The following MAPKBP1 variants were observed in gnomAD, a reference collection of about 807,000 sequenced individuals.
The protein encoded by MAPKBP1 is mitogen-activated protein kinase-binding protein 1.
In MAPKBP1, 71 loss-of-function variants were observed where a neutral mutation model predicts 170.5. The ratio of observed to expected loss-of-function variants is 0.42; its 90% CI spans 0.34 to 0.51. The LOEUF is 0.51. MAPKBP1 is among the 20% of genes least tolerant of loss of function. The pLI is 0.06. For synonymous variants in MAPKBP1, 719 were observed against 757.9 expected, an observed-to-expected ratio of 0.95 and a Z score of 0.84; for missense variants, 1,598 against 1,933.0, an observed-to-expected ratio of 0.83 and a Z score of 3.25.
intron 2 of MAPKBP1, among the ~76,000 whole-genome samples, chr15:41,788,596 A>G (rs1425079201): frequency 6.6e-6 from 1 of 152,214 alleles, no homozygotes; most frequent in African/African-American, 2.4e-5. Flanking sequence ...GGATTTCAGT[A>G]TAGGGTAGTG....
In MAPKBP1 at chr15:41,774,587, G is replaced by C. The variant is rs982949737; in HGVS notation, c.-133G>C. Reference sequence around the variant, plus strand: ...CGATGCCCGAGGGCGCTGTGAGCGGGGTGGCCTTAGCTCGCCGAGGCTGGT... The same window carrying C: ...CGATGCCCGAGGGCGCTGTGAGCGGCGTGGCCTTAGCTCGCCGAGGCTGGT... On this transcript the variant is annotated 5_prime_UTR_variant, in exon 1 of 31. Coordinates refer to ENST00000457542, the MANE Select transcript of MAPKBP1 (RefSeq NM_014994.3). The C allele has an allele frequency of 2.5e-6, 1 of 398,680 alleles. No individual in the cohort carries two copies. Among genetic ancestry groups the C allele is most frequent in the South Asian group, 1.3e-4 (1 of 7,874 alleles). The allele number at this position is 398,680 out of a possible 1,614,324, so 24.7% of individuals were successfully genotyped here. A position where few individuals can be genotyped will look rare whatever the true frequency, so the allele number is the denominator to read the frequency against.
rs1390873069 is a variant in MAPKBP1 at position 41,823,964 on chromosome 15, C to T, written c.4116C>T (p.Leu1372=). 6.2e-7 allele frequency: 1 copy of T among 1,614,142 alleles called. No homozygotes were observed. The highest frequency in any genetic ancestry group is 8.5e-7 in the Non-Finnish European group (1 of 1,180,034). ...CCCAGCAACTGCCAGTCAGCAGCCT[C>T]TTCCAAGGCCCTGAAAACTTGCAGC... ...PCAQQLPVSS[L]FQGPENLQPP... Residue 1372 remains leucine (L), a synonymous_variant, in exon 29 of 31, where the codon CTC becomes CTT. Transcript: ENST00000457542.
At chr15:41,780,387 CTTTG>C (rs1027291154) in intron 2 of MAPKBP1, among the ~76,000 whole-genome samples, 6 of 152,186 alleles carry the variant, frequency 3.9e-5, no homozygotes, top group Admixed American at 1.3e-4. Flanking sequence ...ATCACTGACC[CTTTG>C]TTTGGAGAAA....
rs2064831896 is a variant in MAPKBP1, at chr15:41,813,120, A to G, written c.819+19A>G. 1 of 1,586,658 alleles carries G rather than the reference A, an allele frequency of 6.3e-7. No individual in the cohort carries two copies. The highest frequency in any genetic ancestry group is 1.3e-5 in the African/African-American group (1 of 74,578). On this transcript the variant is annotated intron_variant, in intron 8 of 30. Transcript: ENST00000457542. The stretch of plus-strand genomic sequence containing the variant: ...GCTGAGGGTAAGTACCTCCGTCCCC[A>G]GGGGTAGGGTCTGCTCATGTCTCAG...
At chr15:41,806,683 G>T (rs2064702017) in intron 3 of MAPKBP1, among the ~76,000 whole-genome samples, 1 of 152,184 alleles carries the variant, frequency 6.6e-6, no homozygotes, top group African/African-American at 2.4e-5. Flanking sequence ...GTGCTGAGTT[G>T]CAGGACTCAG....
At chr15:41,816,184 A>C (rs2064888165) in intron 12 of MAPKBP1, 1 of 337,228 alleles carries the variant, frequency 3.0e-6, no homozygotes, top group Non-Finnish European at 5.4e-6. Flanking sequence ...GTAAGGAAAG[A>C]CCAGAGAACT....
intron 5 of MAPKBP1, chr15:41,811,468 G>C (rs759693326): frequency 2.9e-6 from 2 of 695,682 alleles, no homozygotes; most frequent in South Asian, 3.0e-5. Context: ...TGATTCTGTA[G>C]GTCTGGGATG....
At position 41,817,524 on chromosome 15, in the gene MAPKBP1, T is replaced by C; in HGVS notation, c.1782+66T>C. The C allele has an allele frequency of 6.2e-7, 1 of 1,613,578 alleles. No homozygotes were observed. The highest frequency in any genetic ancestry group is 8.5e-7 in the Non-Finnish European group (1 of 1,179,636). On this transcript the variant is annotated intron_variant, in intron 15 of 30. Coordinates refer to ENST00000457542, the MANE Select transcript of MAPKBP1 (RefSeq NM_014994.3). The surrounding 1 kb of genome is among the most constrained non-coding windows in gnomAD (Gnocchi z 4.2). ...GGGGTCTGCCATTCCCTGCCTAAGG[T>C]TACAAGAGGTGAAGGGAGGCGCAAG...
intron 3 of MAPKBP1, among the ~76,000 whole-genome samples, chr15:41,805,538 G>A (rs1197690): frequency 0.14 from 21,975 of 152,270 alleles, 2,542 homozygotes; most frequent in East Asian, 0.68. Flanking sequence ...TCCCAGCAAG[G>A]TGACGGGGTG....
At chr15:41,782,394 G>T (rs1372873883) in intron 2 of MAPKBP1, among the ~76,000 whole-genome samples, 1 of 152,152 alleles carries the variant, frequency 6.6e-6, no homozygotes, top group East Asian at 1.9e-4. Flanking sequence ...CAATGGTAAG[G>T]TATTGGCAGT....
intron 2 of MAPKBP1, among the ~76,000 whole-genome samples, chr15:41,796,068 C>G (rs2064483185): frequency 6.6e-6 from 1 of 152,170 alleles, no homozygotes; most frequent in South Asian, 2.1e-4. Flanking sequence ...GTTACAGGCT[C>G]TCTGAGAGGG....
chr15:41,793,139 C>T (rs976264433), intron 2 of MAPKBP1, among the ~76,000 whole-genome samples: 2 of 152,132 alleles, frequency 1.3e-5, no homozygotes, highest in African/African-American at 4.8e-5. Context: ...AAAACAGTGC[C>T]ATTCTTCTCA....
At chr15:41,813,889 T>C (rs1457935636) in intron 9 of MAPKBP1, 108 bp downstream of exon 9, 2 of 1,266,376 alleles carry the variant, frequency 1.6e-6, no homozygotes, top group African/African-American at 3.1e-5. Context: ...CCCCAAAGAT[T>C]ATTGGGAACA....
intron 2 of MAPKBP1, among the ~76,000 whole-genome samples, chr15:41,793,180 A>G (rs1192432254): frequency 1.3e-5 from 2 of 152,220 alleles, no homozygotes; most frequent in Non-Finnish European, 2.9e-5. Flanking sequence ...AAATAAAGTT[A>G]TATTTAATAA....
At chr15:41,811,096 T>C in intron 4 of MAPKBP1, 82 bp from the exon 5 acceptor site, 1 of 1,566,878 alleles carries the variant, frequency 6.4e-7, no homozygotes, top group Non-Finnish European at 8.8e-7. Context: ...TGTCTGCTGG[T>C]CTCACCTTTT....
At chr15:41,821,493 T>C in intron 23 of MAPKBP1, 91 bp from the exon 24 acceptor site, 2 of 1,218,840 alleles carry the variant, frequency 1.6e-6, no homozygotes, top group Non-Finnish European at 2.4e-6. Context: ...AAGGGGAGGG[T>C]TGGCCCCCAG....
At chr15:41,793,954 G>A (rs909032242) in intron 2 of MAPKBP1, among the ~76,000 whole-genome samples, 1 of 152,166 alleles carries the variant, frequency 6.6e-6, no homozygotes, top group Non-Finnish European at 1.5e-5. Context: ...ATATTTGGCC[G>A]GGCGCGGTGG....
intron 3 of MAPKBP1, among the ~76,000 whole-genome samples, chr15:41,804,221 C>T (rs968720612): frequency 1.8e-4 from 28 of 152,338 alleles, no homozygotes; most frequent in African/African-American, 5.8e-4. Context: ...CATTTATGGG[C>T]AGCTCAGTCT....
intron 2 of MAPKBP1, among the ~76,000 whole-genome samples, chr15:41,789,228 C>T (rs2064351786): frequency 6.6e-6 from 1 of 151,956 alleles, no homozygotes; most frequent in Non-Finnish European, 1.5e-5. Flanking sequence ...AGATTTTTAG[C>T]TCATAAAGCT....
Sources: gnomAD v4.1 joint callset for allele counts (sites outside exome capture counted in the v4.1 genomes callset) on GRCh38, gnomAD v4.1.1 for gene constraint, Gnocchi (gnomAD v3.1) non-coding constraint, MANE v1.5 for transcripts, NCBI Gene and HGNC (gene_info 2026-07-23, HGNC 2026-07-21) for gene names.